Variants in ATP11B observed in about 807,000 individuals in gnomAD.
ATP11B encodes ATPase phospholipid transporting 11B (putative), also known as phospholipid-transporting ATPase IF.
In ATP11B, 81 loss-of-function variants were observed where a neutral mutation model predicts 157.8. The observed-to-expected ratio is 0.51, with a 90% CI of 0.43 to 0.62. The LOEUF (loss-of-function observed/expected upper bound fraction) is 0.62, where lower values mean the gene tolerates loss of function less well. ATP11B is among the 20% of genes least tolerant of loss of function. The pLI is 0.00. For synonymous variants in ATP11B, 451 were observed against 469.4 expected (o/e 0.96, Z 0.51); for missense variants, 1,165 against 1,402.2 (o/e 0.83, Z 2.70).
At chr3:182,820,783 G>A (rs747260240) in intron 2 of ATP11B, among the ~76,000 whole-genome samples, 1 of 152,078 alleles carries the variant, frequency 6.6e-6, no homozygotes, top group Admixed American at 6.5e-5. Context: ...AACGGTGGTC[G>A]ATTTATCTTA....
At chr3:182,798,739 A>T (rs757272913) in intron 1 of ATP11B, among the ~76,000 whole-genome samples, 12 of 152,202 alleles carry the variant, frequency 7.9e-5, no homozygotes, top group African/African-American at 1.4e-4. Flanking sequence ...AAGTGTGTCT[A>T]CTCTGAATTG....
At chr3:182,835,208 G>A (rs1422062798) in intron 4 of ATP11B, among the ~76,000 whole-genome samples, 1 of 152,116 alleles carries the variant, frequency 6.6e-6, no homozygotes, top group Non-Finnish European at 1.5e-5. Context: ...AAAACAATCC[G>A]TGTATGAGTG....
chr3:182,845,819 A>G (rs1719473004), intron 9 of ATP11B, among the ~76,000 whole-genome samples: 1 of 152,244 alleles, frequency 6.6e-6, no homozygotes, highest in Non-Finnish European at 1.5e-5. Flanking sequence ...GTGAGAACCA[A>G]TATAATATGG....
chr3:182,819,248 T>G (rs1035965633), intron 1 of ATP11B, among the ~76,000 whole-genome samples: 1 of 151,838 alleles, frequency 6.6e-6, no homozygotes, highest in African/African-American at 2.4e-5. Context: ...TTTTTTGTAT[T>G]TTTTAGTAGA....
intron 7 of ATP11B, among the ~76,000 whole-genome samples, chr3:182,837,913 A>G (rs1247427453): frequency 6.6e-6 from 1 of 152,092 alleles, no homozygotes; most frequent in Non-Finnish European, 1.5e-5. Context: ...AATGGAAACA[A>G]CTTTTTATTA....
At chr3:182,838,907 T>C (rs2108512685) in intron 7 of ATP11B, among the ~76,000 whole-genome samples, 1 of 152,218 alleles carries the variant, frequency 6.6e-6, no homozygotes, top group South Asian at 2.1e-4. Context: ...TTTAAAGAAT[T>C]GAATGATATA....
intron 20 of ATP11B, 33 bp from the exon 21 acceptor site, chr3:182,880,846 C>G (rs370186841): frequency 7.2e-7 from 1 of 1,394,078 alleles, no homozygotes; most frequent in Non-Finnish European, 9.8e-7. Flanking sequence ...ATTGAACTTG[C>G]GTCATAAATA....
intron 1 of ATP11B, among the ~76,000 whole-genome samples, chr3:182,817,212 A>G (rs1717017467): frequency 6.6e-6 from 1 of 152,026 alleles, no homozygotes; most frequent in South Asian, 2.1e-4. Flanking sequence ...TAATTGGAAT[A>G]TAGAATTGCT....
At chr3:182,867,316 C>T in intron 14 of ATP11B, 60 bp from the exon 15 acceptor site, 1 of 945,756 alleles carries the variant, frequency 1.1e-6, no homozygotes, top group Non-Finnish European at 1.7e-6. Context: ...GCTATAGTGA[C>T]ATTGTGAAAT....
At chr3:182,799,989 A>AG (rs1378972307) in intron 1 of ATP11B, among the ~76,000 whole-genome samples, 1 of 152,138 alleles carries the variant, frequency 6.6e-6, no homozygotes, top group Non-Finnish European at 1.5e-5. Context: ...GCCTGCCTTT[A>AG]GTCCCAGCTA....
At chr3:182,860,315 G>A (rs1415239432) in intron 12 of ATP11B, among the ~76,000 whole-genome samples, 1 of 152,138 alleles carries the variant, frequency 6.6e-6, no homozygotes, top group African/African-American at 2.4e-5. Context: ...AATTTGAAGG[G>A]ATTTTATTGT....
Position 182,793,721 on chromosome 3 carries a change from C to CCCCGCGCCCCGCGGGA in ATP11B, c.-34_-19dup. The CCCCGCGCCCCGCGGGA allele has an allele frequency of 1.4e-6, 2 of 1,386,930 alleles. No homozygotes were observed. The highest frequency in any genetic ancestry group is 1.9e-6 in the Non-Finnish European group (2 of 1,058,074). 85.9% of individuals were successfully genotyped at this position (1,386,930 alleles called of 1,614,324 possible). On this transcript the variant is annotated 5_prime_UTR_variant, in exon 1 of 30. Transcript: ENST00000323116. ...CGGCCTCCACCTGCAGCCCCGCGGC[C>CCCCGCGCCCCGCGGGA]CCCGCGCCCCGCGGGACCCGGACGG...
intron 28 of ATP11B, among the ~76,000 whole-genome samples, chr3:182,905,069 TTTTG>T (rs1318820598): frequency 6.6e-6 from 1 of 152,182 alleles, no homozygotes; most frequent in East Asian, 1.9e-4. Flanking sequence ...TCTGCTTAGT[TTTTG>T]TTTATGTCAG....
At chr3:182,870,932 A>G (rs1371150784) in intron 17 of ATP11B, among the ~76,000 whole-genome samples, 2 of 151,380 alleles carry the variant, frequency 1.3e-5, no homozygotes, top group Non-Finnish European at 2.9e-5. Context: ...CGTCTGAAAA[A>G]AAAAAAAAAA....
chr3:182,899,912 T>C (rs1723836749), intron 28 of ATP11B, among the ~76,000 whole-genome samples: 1 of 152,166 alleles, frequency 6.6e-6, no homozygotes, highest in Non-Finnish European at 1.5e-5. Flanking sequence ...CTAAAAAATA[T>C]ATTCTAGTCA....
At chr3:182,850,809 A>G (rs6807913) in intron 10 of ATP11B, among the ~76,000 whole-genome samples, 8,375 of 152,288 alleles carry the variant, frequency 0.055, 779 homozygotes, top group African/African-American at 0.19. Context: ...CACTATTCAT[A>G]ATAGCAAAGA....
chr3:182,910,580 A>G (rs1246057739), intron 28 of ATP11B, among the ~76,000 whole-genome samples: 1 of 152,204 alleles, frequency 6.6e-6, no homozygotes, highest in Non-Finnish European at 1.5e-5. Flanking sequence ...GTCTCTAAAA[A>G]TAATAAAAAT....
intron 1 of ATP11B, among the ~76,000 whole-genome samples, chr3:182,805,245 A>G (rs1253481567): frequency 6.6e-6 from 1 of 152,186 alleles, no homozygotes; most frequent in Non-Finnish European, 1.5e-5. Context: ...TCCCACTAGC[A>G]ATGTATGAGG....
intron 25 of ATP11B, among the ~76,000 whole-genome samples, 198 bp from the exon 26 acceptor site, chr3:182,896,502 T>G (rs1358851243): frequency 6.6e-6 from 1 of 152,226 alleles, no homozygotes. Context: ...AAAAGATCAT[T>G]GTCTATAATA....
Sources: allele counts gnomAD v4.1 joint callset (sites outside exome capture counted in the v4.1 genomes callset), GRCh38; gene constraint gnomAD v4.1.1; transcripts MANE v1.5; gene names NCBI Gene and HGNC (gene_info 2026-07-23, HGNC 2026-07-21).